The following IL21R variants were observed in gnomAD, a reference collection of about 807,000 sequenced individuals.
IL21R encodes the protein interleukin 21 receptor, also known as interleukin-21 receptor.
IL21R carries 14 observed loss-of-function variants against 41.3 expected under a neutral mutation model. That is an observed-to-expected ratio of 0.34 (90% CI 0.22 to 0.53). The LOEUF (loss-of-function observed/expected upper bound fraction) is 0.53. Among genes scored for constraint, IL21R ranks in the 20% least tolerant of loss-of-function variants. The probability of loss-of-function intolerance (pLI) is 0.94; values close to 1 mark genes in which losing one functional copy is unlikely to be tolerated. For synonymous variants in IL21R, 286 were observed against 287.6 expected (o/e 0.99, Z 0.05); for missense variants, 588 against 681.6 (o/e 0.86, Z 1.53).
chr16:27,447,533 C>G (rs992383068), intron 8 of IL21R: 1 of 152,182 alleles, frequency 6.6e-6, no homozygotes, highest in African/African-American at 2.4e-5. Context: ...GAGTGGGAGT[C>G]CTGGCAGGGG....
intron 8 of IL21R, 104 bp downstream of exon 8, chr16:27,446,192 A>T: frequency 1.2e-6 from 1 of 842,324 alleles, no homozygotes; most frequent in Non-Finnish European, 1.8e-6. Context: ...ACAGGCCTAG[A>T]GCATCCAGGT....
At position 27,450,582 on chromosome 16, in the gene IL21R, C is replaced by CTTTTTTTTTTTTTTTTTTT. The variant is rs553596346; in HGVS notation, c.*1313_*1314insTTTTTTTTTTTTTTTTTTT. On this transcript the variant is annotated 3_prime_UTR_variant, in exon 9 of 9. Transcript: ENST00000337929. ...TATTTCTTAGCAACATTTTCTTTTT[C>CTTTTTTTTTTTTTTTTTTT]TTTTTTTTTTTTTTCTTTTGAGACA... 1 of 181,510 alleles carries CTTTTTTTTTTTTTTTTTTT rather than the reference C, an allele frequency of 5.5e-6. No individual in the cohort carries two copies. Among genetic ancestry groups the CTTTTTTTTTTTTTTTTTTT allele is most frequent in the Non-Finnish European group, 1.1e-5 (1 of 88,384 alleles). The allele number at this position is 181,510 out of a possible 1,614,324, so 11.2% of individuals were successfully genotyped here.
At position 27,442,948 on chromosome 16, in the gene IL21R, G is replaced by A. The variant is rs2087414875; in HGVS notation, c.353-14G>A. On this transcript the variant is annotated splice_polypyrimidine_tract_variant and intron_variant, in intron 4 of 8. Transcript: ENST00000337929. Reference sequence around the variant, plus strand: ...TTCTCACCCCATTTTCTTTTCCTGGGTTTTTCCACCAAGTCAAGCCGGCTC... The same window carrying A: ...TTCTCACCCCATTTTCTTTTCCTGGATTTTTCCACCAAGTCAAGCCGGCTC... 1.3e-6 allele frequency: 2 copies of A among 1,566,262 alleles called. No homozygotes were observed. The highest frequency in any genetic ancestry group is 8.7e-7 in the Non-Finnish European group (1 of 1,154,798).
intron 1 of IL21R, among the ~76,000 whole-genome samples, chr16:27,416,148 AGAGTCTCACTTTCTCACCCAGGCTG>A (rs1226873826): frequency 1.1e-4 from 16 of 152,302 alleles, no homozygotes; most frequent in South Asian, 4.1e-4. Flanking sequence ...ATTTTGATAC[AGAGTCTCACTTTCTCACCCAGGCTG>A]GAGTCTCACT....
At position 27,437,738 on chromosome 16, in the gene IL21R, C is replaced by T. The variant is rs3093344; in HGVS notation, c.352+51C>T. On this transcript the variant is annotated intron_variant, in intron 4 of 8. Coordinates refer to ENST00000337929, the MANE Select transcript of IL21R (RefSeq NM_181078.3). ...AGGGTGGCACTCAATCTTAGCTCAC[C>T]GCAGCCCTGACCTCTCTGGGCTCAG... is the stretch of plus-strand genomic sequence containing the variant. 0.097 allele frequency: 143,864 copies of T among 1,487,772 alleles called. 7,672 individuals carry two copies. Among genetic ancestry groups the T allele is most frequent in the African/African-American group, 0.2 (14,351 of 72,186 alleles). The allele number at this position is 1,487,772 out of a possible 1,614,324, so 92.2% of individuals were successfully genotyped here. A position where few individuals can be genotyped will look rare whatever the true frequency, so the allele number is the denominator to read the frequency against.
intron 4 of IL21R, among the ~76,000 whole-genome samples, chr16:27,439,547 C>A (rs375412701): frequency 6.6e-6 from 1 of 151,708 alleles, no homozygotes; most frequent in Non-Finnish European, 1.5e-5. Context: ...TACACATACT[C>A]ATACACTCTC....
Position 27,450,572 on chromosome 16 carries a change from T to A in IL21R, c.*1289T>A. ...GCTAAGAAAATATTTCTTAGCAACA[T>A]TTTCTTTTTCTTTTTTTTTTTTTTC... On this transcript the variant is annotated 3_prime_UTR_variant, in exon 9 of 9. Transcript: ENST00000337929. The A allele has an allele frequency of 4.6e-6, 1 of 216,608 alleles. No individual in the cohort carries two copies. Among genetic ancestry groups the A allele is most frequent in the East Asian group, 6.6e-5 (1 of 15,038 alleles). The allele number at this position is 216,608 out of a possible 1,614,324, so 13.4% of individuals were successfully genotyped here. A position where few individuals can be genotyped will look rare whatever the true frequency, so the allele number is the denominator to read the frequency against.
chr16:27,443,727 G>A (rs2141307744), intron 5 of IL21R, among the ~76,000 whole-genome samples: 1 of 133,090 alleles, frequency 7.5e-6, no homozygotes, highest in Admixed American at 7.2e-5. Context: ...AGGTTGCAGT[G>A]AGCTGGGATC....
At chr16:27,440,248 TAGAGAG>T (rs1217071764) in intron 4 of IL21R, among the ~76,000 whole-genome samples, 99 of 64,038 alleles carry the variant, frequency 1.5e-3, no homozygotes, top group Admixed American at 3.1e-3. Context: ...TATATATATA[TAGAGAG>T]AGAGAGAGAG....
intron 1 of IL21R, among the ~76,000 whole-genome samples, chr16:27,420,591 GTTTGGATATCTTC>G (rs2086983683): frequency 6.6e-6 from 1 of 152,112 alleles, no homozygotes; most frequent in South Asian, 2.1e-4. Context: ...TGTGTTTGTT[GTTTGGATATCTTC>G]TTTGGAGAAA....
rs765346332 is a variant in IL21R, at chr16:27,437,609, G to A, written c.274G>A (p.Asp92Asn). 5.6e-6 allele frequency: 9 copies of A among 1,614,178 alleles called. No individual in the cohort carries two copies. The highest frequency in any genetic ancestry group is 2.2e-5 in the East Asian group (1 of 44,888). The change falls in exon 4 of 9, where the codon GAC (aspartate) becomes AAC (asparagine). Residue 92 changes from aspartate to asparagine, a missense_variant. Physicochemically the swap from Asp to Asn is conservative, Grantham distance 23 (BLOSUM62 1). Transcript: ENST00000337929. Reference sequence around the variant, plus strand: ...GGATGTATTCCACTTCATGGCCGACGACATTTTCAGTGTCAACATCACAGA... The same window carrying A: ...GGATGTATTCCACTTCATGGCCGACAACATTTTCAGTGTCAACATCACAGA... The part of the protein sequence containing the change: ...HMDVFHFMAD[D>N]IFSVNITDQS...
In IL21R at chr16:27,446,035, A is replaced by G; in HGVS notation, c.814A>G (p.Ser272Gly). ...RLWKKIWAVP[S>G]PERFFMPLYK... ...ATGGAAGAAGATATGGGCCGTCCCCAGCCCTGAGCGGTTCTTCATGCCCCT... is the reference window on the plus strand; with the variant it reads ...ATGGAAGAAGATATGGGCCGTCCCCGGCCCTGAGCGGTTCTTCATGCCCCT... Residue 272 changes from serine (S) to glycine (G), a missense_variant, in exon 8 of 9, where the codon AGC becomes GGC. Coordinates refer to ENST00000337929, the MANE Select transcript of IL21R (RefSeq NM_181078.3). 1.9e-6 allele frequency: 3 copies of G among 1,613,500 alleles called. No individual in the cohort carries two copies. The highest frequency in any genetic ancestry group is 2.5e-6 in the Non-Finnish European group (3 of 1,179,744).
Position 27,444,653 on chromosome 16 carries a change from G to T in IL21R, c.619G>T (p.Gly207Cys). Residue 207 changes from glycine (G) to cysteine (C), a missense_variant, in exon 6 of 9, where the codon GGC becomes TGC. Coordinates refer to ENST00000337929, the MANE Select transcript of IL21R (RefSeq NM_181078.3). ...GCAGGTGCGGGCAGGGCCCATGCCTGGCTCCTCCTACCAGGGGACCTGGAG... is the reference window on the plus strand; with the variant it reads ...GCAGGTGCGGGCAGGGCCCATGCCTTGCTCCTCCTACCAGGGGACCTGGAG... ...ELQVRAGPMP[G>C]SSYQGTWSEW... The T allele has an allele frequency of 6.3e-7, 1 of 1,581,182 alleles. No homozygotes were observed. The highest frequency in any genetic ancestry group is 8.6e-7 in the Non-Finnish European group (1 of 1,163,914).
chr16:27,449,459 T>TGC lies in IL21R; in HGVS notation c.*177_*178insCG. ...GCATATGTGTGTGTGTGCATATGCATGTGTGTGTGTGTGTGTGTCTTAGGT... is the reference window on the plus strand; with the variant it reads ...GCATATGTGTGTGTGTGCATATGCATGCGTGTGTGTGTGTGTGTGTCTTAGGT... On this transcript the variant is annotated 3_prime_UTR_variant, in exon 9 of 9. Transcript: ENST00000337929. 1 of 401,284 alleles carries TGC rather than the reference T, an allele frequency of 2.5e-6. No homozygotes were observed. The allele number at this position is 401,284 out of a possible 1,614,324, so 24.9% of individuals were successfully genotyped here. A position where few individuals can be genotyped will look rare whatever the true frequency, so the allele number is the denominator to read the frequency against.
At position 27,443,737 on chromosome 16, in the gene IL21R, C is replaced by G. The variant is rs575480531; in HGVS notation, c.507+621C>G. On this transcript the variant is annotated intron_variant, in intron 5 of 8. Coordinates refer to ENST00000337929, the MANE Select transcript of IL21R (RefSeq NM_181078.3). ...GGCGGAGGTTGCAGTGAGCTGGGAT[C>G]GCGCTACTGCACTCTAGCCTGGGCA... Among the ~76,000 whole-genome samples the G allele has an allele frequency of 1.5e-4, 10 of 66,166 alleles. No individual in the cohort carries two copies. In the East Asian group the frequency reaches 2.4e-3, roughly 16 times the overall value. The allele number at this position is 66,166 out of a possible 152,430, so 43.4% of individuals were successfully genotyped here.
At position 27,420,937 on chromosome 16, in the gene IL21R, T is replaced by G. The variant is rs2086990617; in HGVS notation, c.-16-9119T>G. On this transcript the variant is annotated intron_variant, in intron 1 of 8. Transcript: ENST00000337929. Reference sequence around the variant, plus strand: ...AGGTTTATTCTAAGAGTTTAATAGTTTTACTTTTTACATCTAGTCTTTAAT... The same window carrying G: ...AGGTTTATTCTAAGAGTTTAATAGTGTTACTTTTTACATCTAGTCTTTAAT... 2.0e-5 allele frequency among the ~76,000 whole-genome samples: 3 copies of G among 152,324 alleles called. No homozygotes were observed. In the South Asian group the frequency reaches 6.2e-4, roughly 32 times the overall value.
intron 1 of IL21R, among the ~76,000 whole-genome samples, chr16:27,412,155 G>A (rs1353161654): frequency 6.6e-6 from 1 of 152,162 alleles, no homozygotes; most frequent in Non-Finnish European, 1.5e-5. Context: ...TTTTGCATAT[G>A]GATATTTGGT....
At chr16:27,428,834 G>A (rs1387767380) in intron 1 of IL21R, among the ~76,000 whole-genome samples, 1 of 152,226 alleles carries the variant, frequency 6.6e-6, no homozygotes, top group Non-Finnish European at 1.5e-5. Flanking sequence ...CTTTGTGATG[G>A]AGTAAGGAGC....
intron 1 of IL21R, among the ~76,000 whole-genome samples, chr16:27,417,163 CTTTTTTTTTTT>C (rs577149386): frequency 1.6e-5 from 2 of 126,624 alleles, no homozygotes; most frequent in Non-Finnish European, 3.2e-5. Context: ...TTTTTCTTTT[CTTTTTTTTTTT>C]TTTTTGAGAC....
Sources: gnomAD v4.1 joint callset for allele counts (sites outside exome capture counted in the v4.1 genomes callset) on GRCh38, gnomAD v4.1.1 for gene constraint, MANE v1.5 for transcripts, NCBI Gene and HGNC (gene_info 2026-07-23, HGNC 2026-07-21) for gene names.